Variants in LTBP1 observed in about 807,000 individuals in gnomAD.
LTBP1 encodes latent-transforming growth factor beta-binding protein 1.
A neutral mutation model predicts 207.6 loss-of-function variants in LTBP1; 129 were observed. The ratio of observed to expected loss-of-function variants is 0.62; its 90% CI spans 0.54 to 0.72. The LOEUF (loss-of-function observed/expected upper bound fraction) is 0.72. Ranked by LOEUF, LTBP1 falls within the 30% of genes least tolerant of loss-of-function variation. The probability of loss-of-function intolerance (pLI) is 0.00; values close to 1 mark genes in which losing one functional copy is unlikely to be tolerated. For missense variants in LTBP1, 2,281 were observed against 2,217.2 expected, an observed-to-expected ratio of 1.03 and a Z score of -0.58; for synonymous variants, 963 against 833.7, an observed-to-expected ratio of 1.16 and a Z score of -2.67.
chr2:33,010,596 C>T (rs1244832877), intron 2 of LTBP1, among the ~76,000 whole-genome samples: 3 of 152,046 alleles, frequency 2.0e-5, no homozygotes, highest in Non-Finnish European at 4.4e-5. Context: ...TTGATCATCA[C>T]ACATTCTCTG....
At chr2:33,118,371 A>T (rs994536367) in intron 4 of LTBP1, among the ~76,000 whole-genome samples, 6 of 152,160 alleles carry the variant, frequency 3.9e-5, no homozygotes, top group African/African-American at 1.2e-4. Context: ...GTGAAAACAA[A>T]CTGTTTTAAA....
At chr2:33,348,835 T>C (rs1186333959) in intron 26 of LTBP1, among the ~76,000 whole-genome samples, 2 of 152,330 alleles carry the variant, frequency 1.3e-5, no homozygotes, top group Middle Eastern at 3.4e-3. Context: ...AAAAAGGTAA[T>C]TGTTGGACCG....
rs1029258133 is a variant in LTBP1 at position 32,947,959 on chromosome 2, G to T, written c.494+141G>T. ...GGGTCGGCTTTCTCCTCCCGCCTCC[G>T]CCTGCTCTGGGCGCCGCGGGAAGAG... On this transcript the variant is annotated intron_variant, in intron 1 of 33. Transcript: ENST00000404816. 8 of 656,432 alleles carry T rather than the reference G, an allele frequency of 1.2e-5. No homozygotes were observed. The East Asian group carries it at 1.8e-4, about 15-fold the overall frequency. 40.7% of individuals were successfully genotyped at this position (656,432 alleles called of 1,614,324 possible). A position where few individuals can be genotyped will look rare whatever the true frequency, so the allele number is the denominator to read the frequency against.
intron 3 of LTBP1, among the ~76,000 whole-genome samples, chr2:33,021,764 G>T (rs952438046): frequency 5.3e-5 from 8 of 152,040 alleles, no homozygotes; most frequent in African/African-American, 1.7e-4. Context: ...TGGTGAATGA[G>T]CTTGTTTTCT....
chr2:33,052,309 G>T (rs769742791), intron 3 of LTBP1, among the ~76,000 whole-genome samples: 1 of 152,220 alleles, frequency 6.6e-6, no homozygotes, highest in South Asian at 2.1e-4. Flanking sequence ...CTTTGAAGAG[G>T]TGTCCTCTAA....
intron 7 of LTBP1, among the ~76,000 whole-genome samples, chr2:33,201,440 G>A (rs1178852181): frequency 2.9e-5 from 4 of 136,530 alleles, no homozygotes; most frequent in African/African-American, 5.4e-5. Flanking sequence ...AGAACACATG[G>A]ACACAGGAAG....
At chr2:33,293,123 C>T (rs745817423) in intron 19 of LTBP1, 37 bp from the exon 20 acceptor site, 1 of 1,592,572 alleles carries the variant, frequency 6.3e-7, no homozygotes, top group Middle Eastern at 1.7e-4. Context: ...TCTTTTTCTT[C>T]TTTTTTTGTT....
intron 3 of LTBP1, among the ~76,000 whole-genome samples, chr2:33,106,904 A>G (rs2080096000): frequency 6.6e-6 from 1 of 152,188 alleles, no homozygotes; most frequent in Non-Finnish European, 1.5e-5. Flanking sequence ...GTCTTCATAT[A>G]TAGGCTTTCA....
intron 4 of LTBP1, among the ~76,000 whole-genome samples, chr2:33,112,294 AC>A (rs2080455895): frequency 6.6e-6 from 1 of 152,118 alleles, no homozygotes; most frequent in Non-Finnish European, 1.5e-5. Flanking sequence ...GTGTATTTCC[AC>A]CCTCGTGTGT....
At chr2:33,233,307 T>A (rs1182399319) in intron 9 of LTBP1, among the ~76,000 whole-genome samples, 1 of 152,184 alleles carries the variant, frequency 6.6e-6, no homozygotes, top group African/African-American at 2.4e-5. Context: ...CCATCTAGGC[T>A]TTATCTCATT....
chr2:33,336,509 C>T (rs771084806), intron 24 of LTBP1, among the ~76,000 whole-genome samples: 1 of 152,092 alleles, frequency 6.6e-6, no homozygotes, highest in East Asian at 1.9e-4. Context: ...TTCAGGTTTC[C>T]GTTAAGTCAA....
At chr2:32,967,475 A>C (rs535907871) in intron 2 of LTBP1, among the ~76,000 whole-genome samples, 1 of 152,224 alleles carries the variant, frequency 6.6e-6, no homozygotes, top group Admixed American at 6.5e-5. Context: ...TTCCCTCTAA[A>C]CACTGCTTTC....
rs1685439813 is a variant in LTBP1, at chr2:32,997,315, A to C, written c.566-23594A>C. ...TGCTTGAGGCCAAGAGTTTGAGACCAGCTGGGCAACAAAACAAGATCCTGT... is the reference window on the plus strand; with the variant it reads ...TGCTTGAGGCCAAGAGTTTGAGACCCGCTGGGCAACAAAACAAGATCCTGT... On this transcript the variant is annotated intron_variant, in intron 2 of 33. Coordinates refer to ENST00000404816, the MANE Select transcript of LTBP1 (RefSeq NM_206943.4). 2.0e-5 allele frequency among the ~76,000 whole-genome samples: 3 copies of C among 152,048 alleles called. No individual in the cohort carries two copies. In the South Asian group the frequency reaches 6.2e-4, roughly 32 times the overall value.
chr2:33,105,126 C>G (rs955498604), intron 3 of LTBP1, among the ~76,000 whole-genome samples: 1 of 152,076 alleles, frequency 6.6e-6, no homozygotes, highest in Admixed American at 6.5e-5. Flanking sequence ...TACTTCACCC[C>G]CTGTCCACCA....
At chr2:32,959,563 G>GTGTGTA in intron 2 of LTBP1, among the ~76,000 whole-genome samples, 1 of 141,688 alleles carries the variant, frequency 7.1e-6, no homozygotes. Flanking sequence ...GTGTGTGTGT[G>GTGTGTA]TGTGTGTGTA....
chr2:33,303,235 T>A (rs191552880), intron 22 of LTBP1, among the ~76,000 whole-genome samples: 3 of 152,208 alleles, frequency 2.0e-5, no homozygotes, highest in African/African-American at 7.2e-5. Flanking sequence ...GGTCCCCAAC[T>A]TTTTTGGCAC....
At chr2:33,034,482 T>A (rs1354986629) in intron 3 of LTBP1, among the ~76,000 whole-genome samples, 1 of 148,060 alleles carries the variant, frequency 6.8e-6, no homozygotes, top group Non-Finnish European at 1.5e-5. Context: ...CTATTAATGT[T>A]TGGATTTTAA....
intron 3 of LTBP1, among the ~76,000 whole-genome samples, chr2:33,102,221 G>C (rs754027373): frequency 1.3e-5 from 2 of 152,098 alleles, no homozygotes; most frequent in Non-Finnish European, 2.9e-5. Context: ...CACGTTTAGA[G>C]CGCTAGTTTT....
intron 3 of LTBP1, among the ~76,000 whole-genome samples, chr2:33,109,682 A>G (rs2080280040): frequency 6.6e-6 from 1 of 152,254 alleles, no homozygotes; most frequent in South Asian, 2.1e-4. Context: ...ATTTAACTCA[A>G]ATAGTACAAT....
Sources: allele counts gnomAD v4.1 joint callset (sites outside exome capture counted in the v4.1 genomes callset), GRCh38; gene constraint gnomAD v4.1.1; transcripts MANE v1.5; gene names NCBI Gene and HGNC (gene_info 2026-07-23, HGNC 2026-07-21).